Variants in GPC3 observed in about 807,000 individuals in gnomAD.
GPC3 encodes the protein glypican-3.
A neutral mutation model predicts 34.4 loss-of-function variants in GPC3; 3 were observed. That is an observed-to-expected ratio of 0.09 (90% CI 0.04 to 0.23). The LOEUF is 0.23. Ranked by LOEUF, GPC3 falls within the 10% of genes least tolerant of loss-of-function variation. The pLI is 1.00. For missense variants in GPC3, 351 were observed against 445.6 expected, an observed-to-expected ratio of 0.79 and a Z score of 1.91; for synonymous variants, 177 against 174.0, an observed-to-expected ratio of 1.02 and a Z score of -0.13.
intron 2 of GPC3, among the ~76,000 whole-genome samples, chrX:133,803,115 C>T (rs746484630): frequency 2.7e-5 from 3 of 110,089 alleles, no homozygotes; most frequent in African/African-American, 6.6e-5. Flanking sequence ...TTAGTAGAGA[C>T]GGGGTTTCAC....
intron 7 of GPC3, among the ~76,000 whole-genome samples, chrX:133,560,681 G>A (rs1349524581): frequency 9.1e-6 from 1 of 109,368 alleles, no homozygotes; most frequent in African/African-American, 3.4e-5. Flanking sequence ...GGAGATTGCA[G>A]TGAGCTGAGA....
intron 2 of GPC3, among the ~76,000 whole-genome samples, chrX:133,948,202 T>C (rs2076377461): frequency 9.0e-6 from 1 of 111,253 alleles, no homozygotes; most frequent in Non-Finnish European, 1.9e-5. Context: ...ATATTAACTG[T>C]GAAGGAAAAA....
Position 133,985,480 on chromosome X carries a change from G to A in GPC3, c.-31C>T. The stretch of plus-strand genomic sequence containing the variant: ...TTCGCAGGGAGCTAGGAGAGCGCGG[G>A]AGAGTGGCAGCCGGAGCGAGAGCAG... On this transcript the variant is annotated 5_prime_UTR_variant, in exon 1 of 8. Coordinates refer to ENST00000370818, the MANE Select transcript of GPC3 (RefSeq NM_004484.4). 1 of 1,153,583 alleles carries A rather than the reference G, an allele frequency of 8.7e-7. No individual in the cohort carries two copies. The highest frequency in any genetic ancestry group is 1.2e-6 in the Non-Finnish European group (1 of 862,047).
At chrX:133,740,377 T>C (rs2071552210) in intron 3 of GPC3, among the ~76,000 whole-genome samples, 1 of 112,469 alleles carries the variant, frequency 8.9e-6, no homozygotes, top group African/African-American at 3.2e-5. Context: ...ACATGAATTC[T>C]ATAGCTTCTA....
At chrX:133,768,822 C>T (rs1218380955) in intron 2 of GPC3, among the ~76,000 whole-genome samples, 1 of 110,369 alleles carries the variant, frequency 9.1e-6, no homozygotes, top group Non-Finnish European at 1.9e-5. Flanking sequence ...CACCTGTAAT[C>T]CCAGCTACCC....
At chrX:133,714,094 G>T (rs1411263342) in intron 3 of GPC3, among the ~76,000 whole-genome samples, 1 of 111,624 alleles carries the variant, frequency 9.0e-6, no homozygotes, top group Non-Finnish European at 1.9e-5. Context: ...CTTTAAGAAA[G>T]TATCACTTGC....
At chrX:133,642,534 G>A (rs1250519277) in intron 6 of GPC3, among the ~76,000 whole-genome samples, 2 of 110,974 alleles carry the variant, frequency 1.8e-5, no homozygotes, top group African/African-American at 6.6e-5. Flanking sequence ...CACTTTGGGA[G>A]GCTGAGGTGG....
At chrX:133,854,504 G>A (rs189116705) in intron 2 of GPC3, among the ~76,000 whole-genome samples, 95 of 111,859 alleles carry the variant, frequency 8.5e-4, no homozygotes, top group Admixed American at 8.1e-3. Flanking sequence ...TTTATTTAGC[G>A]GCTGTGGCAC....
intron 2 of GPC3, among the ~76,000 whole-genome samples, chrX:133,891,333 T>C (rs1381108187): frequency 9.0e-6 from 1 of 111,561 alleles, no homozygotes; most frequent in Non-Finnish European, 1.9e-5. Flanking sequence ...TAGTTTCTTT[T>C]TGAGGTGATA....
intron 2 of GPC3, among the ~76,000 whole-genome samples, chrX:133,860,609 A>C (rs1384874409): frequency 8.9e-6 from 1 of 112,058 alleles, no homozygotes; most frequent in Admixed American, 9.4e-5. Context: ...AAAATGAATA[A>C]ACTAAGCCTG....
At chrX:133,855,315 C>A (rs943255589) in intron 2 of GPC3, among the ~76,000 whole-genome samples, 2 of 109,238 alleles carry the variant, frequency 1.8e-5, no homozygotes, top group Admixed American at 9.8e-5. Context: ...AGCATGAGTT[C>A]CTACACCCGA....
intron 3 of GPC3, among the ~76,000 whole-genome samples, chrX:133,750,328 G>C (rs1331045309): frequency 1.9e-5 from 2 of 107,640 alleles, no homozygotes; most frequent in Non-Finnish European, 3.8e-5. Flanking sequence ...AGCTCTTAGA[G>C]TAAAAGTCTA....
chrX:133,704,090 T>C, intron 3 of GPC3: 1 of 362,428 alleles, frequency 2.8e-6, no homozygotes. Flanking sequence ...AAGCTTGGTC[T>C]AGATCATGCA....
chrX:133,888,247 A>G (rs1307573750), intron 2 of GPC3, among the ~76,000 whole-genome samples: 1 of 111,543 alleles, frequency 9.0e-6, no homozygotes, highest in Non-Finnish European at 1.9e-5. Flanking sequence ...TGCAAAGGAC[A>G]TGAACTCATC....
chrX:133,835,710 G>A (rs959442867), intron 2 of GPC3, among the ~76,000 whole-genome samples: 1 of 112,324 alleles, frequency 8.9e-6, no homozygotes, highest in Admixed American at 9.4e-5. Flanking sequence ...ACACAAAATA[G>A]TCTAAAATAT....
At chrX:133,858,162 G>A (rs1348048665) in intron 2 of GPC3, among the ~76,000 whole-genome samples, 5 of 111,317 alleles carry the variant, frequency 4.5e-5, no homozygotes, top group African/African-American at 1.3e-4. Context: ...AGAAATTTCC[G>A]AACTATCACT....
rs1278300558 is a variant in GPC3 at position 133,791,832 on chromosome X, CCTTCCTTCCTTCCTT to C, written c.338-37671_338-37657del. Among the ~76,000 whole-genome samples, 27 of 98,486 alleles carry C rather than the reference CCTTCCTTCCTTCCTT, an allele frequency of 2.7e-4. No individual in the cohort carries two copies. In the South Asian group the frequency reaches 4.9e-3, roughly 18 times the overall value. 85.5% of individuals were successfully genotyped at this position (98,486 alleles called of 115,157 possible). A position where few individuals can be genotyped will look rare whatever the true frequency, so the allele number is the denominator to read the frequency against. ...TCCTTCCTTCCTTCCTTCCTTCCTT[CCTTCCTTCCTTCCTT>C]CCTCCCTCCCTCCCTCTCTCTCTTT... On this transcript the variant is annotated intron_variant, in intron 2 of 7. Transcript: ENST00000370818.
chrX:133,734,671 T>G (rs2071493265), intron 3 of GPC3, among the ~76,000 whole-genome samples: 1 of 111,623 alleles, frequency 9.0e-6, no homozygotes, highest in African/African-American at 3.3e-5. Flanking sequence ...TGCATCTGTA[T>G]TTGCAGATAA....
chrX:133,644,061 C>T (rs898962063), intron 6 of GPC3, among the ~76,000 whole-genome samples: 3 of 110,237 alleles, frequency 2.7e-5, no homozygotes, highest in African/African-American at 6.6e-5. Context: ...CTCCTGACCT[C>T]GTGATCTGCC....
Sources: gnomAD v4.1 joint callset for allele counts (sites outside exome capture counted in the v4.1 genomes callset) on GRCh38, gnomAD v4.1.1 for gene constraint, MANE v1.5 for transcripts, NCBI Gene and HGNC (gene_info 2026-07-23, HGNC 2026-07-21) for gene names.